AK9: variants seen among roughly 807,000 people sequenced by gnomAD.
AK9 encodes adenylate kinase 9.
AK9 carries 191 observed loss-of-function variants against 239.6 expected under a neutral mutation model. The observed-to-expected ratio is 0.80, with a 90% CI of 0.71 to 0.90. AK9 has a LOEUF of 0.90. Ranked by LOEUF, AK9 falls within the 40% of genes least tolerant of loss-of-function variation. The pLI, the probability that AK9 is intolerant of heterozygous loss-of-function variation, is 0.00. For synonymous variants in AK9, 689 were observed against 721.0 expected, an observed-to-expected ratio of 0.96 and a Z score of 0.71; for missense variants, 1,995 against 2,214.7, an observed-to-expected ratio of 0.90 and a Z score of 1.99.
rs776253057 is a variant in AK9 at position 109,550,244 on chromosome 6, G to A, written c.2810C>T (p.Pro937Leu). 1.2e-5 allele frequency: 20 copies of A among 1,612,640 alleles called. No homozygotes were observed. Among genetic ancestry groups the A allele is most frequent in the African/African-American group, 5.3e-5 (4 of 74,788 alleles). Residue 937 changes from proline (P) to leucine (L), a missense_variant, in exon 25 of 41, where the codon CCG (proline) becomes CTG (leucine). Around this residue, in one of 5 missense-constraint regions of AK9, gnomAD observed 1,290 missense variants for 1,392.7 expected, o/e 0.93. Coordinates refer to ENST00000424296, the MANE Select transcript of AK9 (RefSeq NM_001145128.3). ...GATGAAGTTTTCTTTGAGGACCACC[G>A]GACAAAAGTGTTTTGTGTCTCCCAA... ...RHLGDTKHFC[P>L]VVLKENFILQ...
intron 13 of AK9, 54 bp downstream of exon 13, chr6:109,619,037 GC>G: frequency 6.7e-7 from 1 of 1,495,924 alleles, no homozygotes; most frequent in South Asian, 1.3e-5. Context: ...CTTTCAAGTA[GC>G]CCGGCTTAAT....
chr6:109,639,094 T>C (rs1797075074), intron 10 of AK9, among the ~76,000 whole-genome samples: 1 of 152,240 alleles, frequency 6.6e-6, no homozygotes, highest in Non-Finnish European at 1.5e-5. Context: ...TAATTGTGAA[T>C]AGTGCTGCAA....
intron 24 of AK9, among the ~76,000 whole-genome samples, chr6:109,551,847 C>G (rs9400295): frequency 0.58 from 88,210 of 151,462 alleles, 27,370 homozygotes; most frequent in South Asian, 0.84. Context: ...GTGGTTTGCT[C>G]CAACTATTGA....
chr6:109,640,073 A>C (rs1478914349), intron 10 of AK9, among the ~76,000 whole-genome samples: 1 of 152,198 alleles, frequency 6.6e-6, no homozygotes, highest in Non-Finnish European at 1.5e-5. Context: ...GTTTGAAGTC[A>C]GGTAGCGTGA....
intron 32 of AK9, among the ~76,000 whole-genome samples, chr6:109,511,326 A>C (rs1455862053): frequency 6.6e-6 from 1 of 152,168 alleles, no homozygotes; most frequent in Non-Finnish European, 1.5e-5. Flanking sequence ...TAATTTTTAA[A>C]ATGTATAATG....
At chr6:109,564,566 A>G (rs1039484060) in intron 22 of AK9, among the ~76,000 whole-genome samples, 190 bp downstream of exon 22, 3 of 137,166 alleles carry the variant, frequency 2.2e-5, no homozygotes. Context: ...AAATTTGTGT[A>G]AAAACCAGTG....
chr6:109,535,111 G>C (rs1433973866), intron 27 of AK9, among the ~76,000 whole-genome samples: 1 of 152,160 alleles, frequency 6.6e-6, no homozygotes, highest in Non-Finnish European at 1.5e-5. Flanking sequence ...AATCCTTTGG[G>C]TATATACCCA....
At chr6:109,673,383 T>G (rs1771220883) in intron 3 of AK9, among the ~76,000 whole-genome samples, 1 of 152,190 alleles carries the variant, frequency 6.6e-6, no homozygotes, top group African/African-American at 2.4e-5. Flanking sequence ...TATGGACCAG[T>G]GTTATGTTGA....
chr6:109,508,938 C>A (rs1254446477), intron 33 of AK9, among the ~76,000 whole-genome samples: 2 of 152,144 alleles, frequency 1.3e-5, no homozygotes, highest in Non-Finnish European at 2.9e-5. Context: ...TTGGACAACT[C>A]AGGGGTTGCT....
chr6:109,549,669 T>G (rs984386869), intron 25 of AK9: 2 of 137,422 alleles, frequency 1.5e-5, no homozygotes, highest in South Asian at 5.6e-4. Flanking sequence ...ATTTTCTTTT[T>G]TTTTTTTTTT....
chr6:109,576,168 C>T (rs1327414352), intron 20 of AK9, among the ~76,000 whole-genome samples: 4 of 151,834 alleles, frequency 2.6e-5, no homozygotes, highest in African/African-American at 9.7e-5. Flanking sequence ...TTTTTGTGTT[C>T]CATTTGAATT....
intron 19 of AK9, among the ~76,000 whole-genome samples, chr6:109,582,989 T>C (rs910738681): frequency 1.1e-4 from 17 of 152,200 alleles, no homozygotes; most frequent in African/African-American, 4.1e-4. Flanking sequence ...CACCATGTTA[T>C]TTTAAAGCAT....
chr6:109,682,469 T>C (rs1772821186), intron 1 of AK9, among the ~76,000 whole-genome samples: 1 of 149,862 alleles, frequency 6.7e-6, no homozygotes, highest in Non-Finnish European at 1.5e-5. Context: ...AGCTGGTTTT[T>C]TGAAAAGATC....
chr6:109,559,468 G>C (rs1331789119), intron 24 of AK9, among the ~76,000 whole-genome samples: 1 of 152,136 alleles, frequency 6.6e-6, no homozygotes, highest in Non-Finnish European at 1.5e-5. Flanking sequence ...TGCCCGGCCT[G>C]GTATATCTAT....
chr6:109,603,842 A>T (rs1792447986), intron 17 of AK9, among the ~76,000 whole-genome samples: 1 of 152,186 alleles, frequency 6.6e-6, no homozygotes, highest in Admixed American at 6.5e-5. Flanking sequence ...GCAATGAGTG[A>T]GGCTCTCTGG....
chr6:109,498,044 T>A, intron 36 of AK9, 79 bp from the exon 37 acceptor site: 2 of 1,397,072 alleles, frequency 1.4e-6, no homozygotes, highest in Admixed American at 3.7e-5. Context: ...GAGGCTCTCC[T>A]GCACCCTCCC....
chr6:109,630,525 C>A (rs1198364270), intron 12 of AK9, among the ~76,000 whole-genome samples: 1 of 152,004 alleles, frequency 6.6e-6, no homozygotes, highest in Non-Finnish European at 1.5e-5. Context: ...GTAGTATTGG[C>A]AAAATACTAA....
chr6:109,652,353 A>G (rs1165797728), intron 8 of AK9, among the ~76,000 whole-genome samples: 1 of 141,788 alleles, frequency 7.1e-6, no homozygotes, highest in Non-Finnish European at 1.6e-5. Flanking sequence ...AAAATTCAAC[A>G]GCCTTCATGC....
chr6:109,570,851 G>A (rs188842284), intron 21 of AK9, among the ~76,000 whole-genome samples: 1 of 152,234 alleles, frequency 6.6e-6, no homozygotes, highest in Non-Finnish European at 1.5e-5. Flanking sequence ...ATGAATTCCC[G>A]GGTAAATCAT....
Sources: gnomAD v4.1 joint callset for allele counts (sites outside exome capture counted in the v4.1 genomes callset) on GRCh38, gnomAD v4.1.1 for gene constraint, gnomAD v4.1.1 regional missense constraint, MANE v1.5 for transcripts, NCBI Gene and HGNC (gene_info 2026-07-23, HGNC 2026-07-21) for gene names.